RANBP17: variants seen among roughly 807,000 people sequenced by gnomAD.
The protein encoded by RANBP17 is ran-binding protein 17.
In RANBP17, 158 loss-of-function variants were observed where a neutral mutation model predicts 141.2. That is an observed-to-expected ratio of 1.12 (90% confidence interval 0.98 to 1.28). The LOEUF (loss-of-function observed/expected upper bound fraction) is 1.28, where lower values mean the gene tolerates loss of function less well. RANBP17 is among the 50% of genes most tolerant of loss of function. The probability of loss-of-function intolerance (pLI) is 0.00; values close to 1 mark genes in which losing one functional copy is unlikely to be tolerated. For synonymous variants in RANBP17, 430 were observed against 450.0 expected (o/e 0.96, Z 0.56); for missense variants, 1,438 against 1,290.7 (o/e 1.11, Z -1.75).
rs35948377 is a variant in RANBP17, at chr5:171,097,608, T to TTTATTATTATTATTA, written c.1711-72490_1711-72476dup. 3.5e-5 allele frequency among the ~76,000 whole-genome samples: 5 copies of TTTATTATTATTATTA among 141,392 alleles called. No individual in the cohort carries two copies. In the South Asian group the frequency reaches 6.8e-4, roughly 19 times the overall value. 92.8% of individuals were successfully genotyped at this position (141,392 alleles called of 152,430 possible). On this transcript the variant is annotated intron_variant, in intron 14 of 27. Coordinates refer to ENST00000523189, the MANE Select transcript of RANBP17 (RefSeq NM_022897.5). ...AAAACCTTAACCTGTATGTAGTCTTTTTATTATTATTATTATTATTATTAT... is the reference window on the plus strand; with the variant it reads ...AAAACCTTAACCTGTATGTAGTCTTTTTATTATTATTATTATTATTATTATTATTATTATTATTAT...
chr5:171,017,145 C>T (rs1013205292), intron 14 of RANBP17, among the ~76,000 whole-genome samples: 5 of 152,014 alleles, frequency 3.3e-5, no homozygotes, highest in Non-Finnish European at 7.4e-5. Flanking sequence ...TTTCTTTATC[C>T]AGTCTATCAT....
At chr5:171,088,444 G>C (rs889085193) in intron 14 of RANBP17, among the ~76,000 whole-genome samples, 8 of 152,064 alleles carry the variant, frequency 5.3e-5, no homozygotes, top group Non-Finnish European at 1.0e-4. Context: ...ATGTGTCTTG[G>C]AGTTGCTCTT....
intron 13 of RANBP17, among the ~76,000 whole-genome samples, chr5:170,954,212 A>G (rs564834753): frequency 3.9e-5 from 6 of 152,300 alleles, no homozygotes; most frequent in East Asian, 3.9e-4. Flanking sequence ...TTTAATAACA[A>G]ATCTCCTTAT....
chr5:170,981,915 C>T (rs77873732), intron 14 of RANBP17, among the ~76,000 whole-genome samples: 4,252 of 152,160 alleles, frequency 0.028, 195 homozygotes, highest in African/African-American at 0.096. Flanking sequence ...TGCTGCAGTT[C>T]GGGGTGTGGC....
At chr5:171,158,566 C>T (rs1759066813) in intron 14 of RANBP17, 1 of 174,082 alleles carries the variant, frequency 5.7e-6, no homozygotes, top group Non-Finnish European at 1.2e-5. Flanking sequence ...TGCTAAACAC[C>T]TTAGTACTGG....
At chr5:171,190,983 C>T (rs1170916624) in intron 18 of RANBP17, among the ~76,000 whole-genome samples, 1 of 152,146 alleles carries the variant, frequency 6.6e-6, no homozygotes, top group Non-Finnish European at 1.5e-5. Flanking sequence ...GCAATGCATT[C>T]CTCGGGTATT....
intron 3 of RANBP17, 23 bp from the exon 4 acceptor site, chr5:170,892,364 C>T (rs768934533): frequency 2.2e-6 from 3 of 1,342,912 alleles, no homozygotes; most frequent in South Asian, 1.2e-5. Flanking sequence ...GTCCAGATGA[C>T]CCATGGAGTG....
At chr5:171,062,041 G>A (rs1783911525) in intron 14 of RANBP17, among the ~76,000 whole-genome samples, 4 of 151,308 alleles carry the variant, frequency 2.6e-5, no homozygotes, top group Admixed American at 2.0e-4. Flanking sequence ...TTTATTTTGA[G>A]CCTATGTGTG....
chr5:171,197,196 T>A (rs1052642579), intron 18 of RANBP17, among the ~76,000 whole-genome samples: 15 of 152,216 alleles, frequency 9.9e-5, no homozygotes, highest in Admixed American at 3.3e-4. Flanking sequence ...AATAAAGATG[T>A]TCTAAAATTC....
chr5:171,175,674 A>G (rs559785222), intron 16 of RANBP17, among the ~76,000 whole-genome samples: 84 of 152,286 alleles, frequency 5.5e-4, no homozygotes, highest in African/African-American at 1.9e-3. Context: ...CAAACATATG[A>G]AAAAAAGCTC....
At chr5:170,911,343 GA>G (rs948745936) in intron 7 of RANBP17, 16 of 575,502 alleles carry the variant, frequency 2.8e-5, no homozygotes, top group Non-Finnish European at 4.6e-5. Flanking sequence ...TAGGAAAAAA[GA>G]AAAAACAAGG....
At chr5:171,289,616 G>A (rs1215597237) in intron 25 of RANBP17, among the ~76,000 whole-genome samples, 2 of 152,204 alleles carry the variant, frequency 1.3e-5, no homozygotes, top group African/African-American at 4.8e-5. Context: ...GCACCTGCCT[G>A]TAGTCCCAGC....
At chr5:171,252,150 G>A (rs1765614227) in intron 24 of RANBP17, 1 of 1,592,162 alleles carries the variant, frequency 6.3e-7, no homozygotes. Context: ...ACAGAAAGAA[G>A]ATGAGCTTTT....
intron 14 of RANBP17, among the ~76,000 whole-genome samples, chr5:171,006,460 G>C (rs1439436741): frequency 6.6e-6 from 1 of 152,108 alleles, no homozygotes; most frequent in Non-Finnish European, 1.5e-5. Flanking sequence ...TATGGATGAA[G>C]CTGGAAACCA....
intron 14 of RANBP17, among the ~76,000 whole-genome samples, chr5:171,122,521 A>G (rs976412343): frequency 3.9e-5 from 6 of 152,162 alleles, no homozygotes; most frequent in Non-Finnish European, 8.8e-5. Flanking sequence ...GTGACAGGGA[A>G]CCTCTGAGGC....
intron 14 of RANBP17, among the ~76,000 whole-genome samples, chr5:171,121,492 T>A (rs1756030174): frequency 6.6e-6 from 1 of 152,174 alleles, no homozygotes; most frequent in Admixed American, 6.5e-5. Flanking sequence ...GGGCTGCTTC[T>A]CAGGTTCTGA....
At position 171,073,167 on chromosome 5, in the gene RANBP17, A is replaced by T. The variant is rs116043839; in HGVS notation, c.1711-96963A>T. ...AGAATGAACTTTCCTGGTGTAAATT[A>T]AAAAATCAACCAAAATGTCAGGGGA... On this transcript the variant is annotated intron_variant, in intron 14 of 27. Coordinates refer to ENST00000523189, the MANE Select transcript of RANBP17 (RefSeq NM_022897.5). Among the ~76,000 whole-genome samples, 1,203 of 152,220 alleles carry T rather than the reference A, an allele frequency of 7.9e-3. 16 individuals are homozygous for T. The highest frequency in any genetic ancestry group is 0.027 in the African/African-American group (1,141 of 41,548).
chr5:171,101,699 T>G (rs962685445), intron 14 of RANBP17, among the ~76,000 whole-genome samples: 1 of 152,230 alleles, frequency 6.6e-6, no homozygotes, highest in Non-Finnish European at 1.5e-5. Flanking sequence ...CAGTGGTCTT[T>G]ACATTTTGAT....
chr5:170,942,278 G>A lies in RANBP17; in HGVS notation c.1469-11319G>A, dbSNP rs115167126. Among the ~76,000 whole-genome samples the A allele has an allele frequency of 2.2e-3, 336 of 152,250 alleles. 1 individual carries two copies. The highest frequency in any genetic ancestry group is 7.3e-3 in the African/African-American group (302 of 41,540). On this transcript the variant is annotated intron_variant, in intron 12 of 27. Transcript: ENST00000523189. Reference sequence around the variant, plus strand: ...CCTGGCACCAAAAAGGTAGGGGACTGCTGCTCTAGAAAATCTGTACACAAA... The same window carrying A: ...CCTGGCACCAAAAAGGTAGGGGACTACTGCTCTAGAAAATCTGTACACAAA...
Sources: gnomAD v4.1 joint callset for allele counts (sites outside exome capture counted in the v4.1 genomes callset) on GRCh38, gnomAD v4.1.1 for gene constraint, MANE v1.5 for transcripts, NCBI Gene and HGNC (gene_info 2026-07-23, HGNC 2026-07-21) for gene names.